ABCC4: variants seen among roughly 807,000 people sequenced by gnomAD.
ABCC4 encodes the protein ATP-binding cassette sub-family C member 4.
ABCC4 carries 102 observed loss-of-function variants against 168.5 expected under a neutral mutation model. The observed-to-expected ratio is 0.61, with a 90% confidence interval of 0.52 to 0.71. The LOEUF is 0.71. Ranked by LOEUF, ABCC4 falls within the 30% of genes least tolerant of loss-of-function variation. The pLI is 0.00. For synonymous variants in ABCC4, 617 were observed against 590.7 expected (o/e 1.04, Z -0.65); for missense variants, 1,402 against 1,605.8 (o/e 0.87, Z 2.17).
chr13:95,228,424 GCT>G (rs1351001388), intron 4 of ABCC4, among the ~76,000 whole-genome samples: 2 of 152,156 alleles, frequency 1.3e-5, no homozygotes, highest in Non-Finnish European at 2.9e-5. Context: ...GCTGTCTGCT[GCT>G]CTGACCACTG....
rs550686209 is a variant in ABCC4 at position 95,114,945 on chromosome 13, G to T, written c.2535+977C>A. Among the ~76,000 whole-genome samples, 18 of 152,276 alleles carry T rather than the reference G, an allele frequency of 1.2e-4. No individual in the cohort carries two copies. The East Asian group carries it at 2.9e-3, about 24-fold the overall frequency. On this transcript the variant is annotated intron_variant, in intron 20 of 30. Transcript: ENST00000645237. ...TTTAATGGCTTTAAATTCAGCTAAT[G>T]ATTACAACTATTCTAAGTTGGCACT...
At chr13:95,061,693 A>G (rs2139285546) in intron 26 of ABCC4, among the ~76,000 whole-genome samples, 1 of 151,512 alleles carries the variant, frequency 6.6e-6, no homozygotes, top group South Asian at 2.1e-4. Context: ...ACCCACATTA[A>G]AAGAAAACAA....
At chr13:95,125,199 G>A (rs1594137332) in intron 19 of ABCC4, among the ~76,000 whole-genome samples, 1 of 152,276 alleles carries the variant, frequency 6.6e-6, no homozygotes, top group East Asian at 1.9e-4. Flanking sequence ...AGAAAGGTGT[G>A]CTCATGTCAA....
In ABCC4 at chr13:95,029,200, A is replaced by C. The variant is rs1164894299; in HGVS notation, c.3870+5405T>G. Among the ~76,000 whole-genome samples the C allele has an allele frequency of 4.7e-3, 378 of 79,866 alleles. 10 individuals carry two copies. The highest frequency in any genetic ancestry group is 0.012 in the Admixed American group (79 of 6,656). 52.4% of individuals were successfully genotyped at this position (79,866 alleles called of 152,430 possible). On this transcript the variant is annotated intron_variant, in intron 30 of 30. Coordinates refer to ENST00000645237, the MANE Select transcript of ABCC4 (RefSeq NM_005845.5). ...TATATATATATATATATATATATAT[A>C]TATATATATATATAGAGAGAGAGAG...
chr13:95,200,598 G>A (rs1319785190), intron 8 of ABCC4, among the ~76,000 whole-genome samples: 2 of 152,148 alleles, frequency 1.3e-5, no homozygotes, highest in Non-Finnish European at 2.9e-5. Context: ...GTGCATGCCT[G>A]TAGTCCCAGC....
At chr13:95,248,717 T>C (rs559488077) in intron 1 of ABCC4, among the ~76,000 whole-genome samples, 3 of 152,218 alleles carry the variant, frequency 2.0e-5, no homozygotes, top group East Asian at 1.9e-4. Context: ...GAGACCAGCC[T>C]ACACAACATA....
At chr13:95,169,891 CTG>C (rs1431561488) in intron 14 of ABCC4, among the ~76,000 whole-genome samples, 1 of 152,196 alleles carries the variant, frequency 6.6e-6, no homozygotes, top group Non-Finnish European at 1.5e-5. Context: ...GAGTCTCACT[CTG>C]TAGCCCAGGC....
chr13:95,195,976 G>A (rs1227878165), intron 8 of ABCC4, among the ~76,000 whole-genome samples: 1 of 152,124 alleles, frequency 6.6e-6, no homozygotes, highest in African/African-American at 2.4e-5. Context: ...CTCCTAGACA[G>A]CAGAACGGAC....
At chr13:95,157,389 A>G (rs892344564) in intron 19 of ABCC4, among the ~76,000 whole-genome samples, 4 of 151,876 alleles carry the variant, frequency 2.6e-5, no homozygotes, top group African/African-American at 9.7e-5. Flanking sequence ...CCAACTACTC[A>G]GGAGATAGAC....
chr13:95,293,036 G>A (rs970220002), intron 1 of ABCC4, among the ~76,000 whole-genome samples: 9 of 152,086 alleles, frequency 5.9e-5, no homozygotes, highest in African/African-American at 1.9e-4. Context: ...TTCGCCACAC[G>A]TCTCAGGCAA....
chr13:95,258,417 T>C (rs1408044500), intron 1 of ABCC4, among the ~76,000 whole-genome samples: 2 of 152,092 alleles, frequency 1.3e-5, no homozygotes, highest in Non-Finnish European at 2.9e-5. Context: ...CATGATTAGA[T>C]CTTCTCTCCT....
At chr13:95,063,860 A>T (rs1473493775) in intron 25 of ABCC4, among the ~76,000 whole-genome samples, 1 of 152,234 alleles carries the variant, frequency 6.6e-6, no homozygotes, top group Non-Finnish European at 1.5e-5. Flanking sequence ...GCACAACTGC[A>T]AATTTCCTGG....
At chr13:95,179,142 T>A (rs1237556807) in intron 11 of ABCC4, among the ~76,000 whole-genome samples, 1 of 152,172 alleles carries the variant, frequency 6.6e-6, no homozygotes, top group Non-Finnish European at 1.5e-5. Flanking sequence ...GTGAGGGCTG[T>A]CAGCATAAAG....
chr13:95,150,247 G>A (rs1382191367), intron 19 of ABCC4, among the ~76,000 whole-genome samples: 1 of 152,108 alleles, frequency 6.6e-6, no homozygotes, highest in Admixed American at 6.5e-5. Context: ...TATATGACAT[G>A]AGCCACCATG....
chr13:95,278,196 A>G (rs2041020371), intron 1 of ABCC4, among the ~76,000 whole-genome samples: 1 of 152,234 alleles, frequency 6.6e-6, no homozygotes, highest in African/African-American at 2.4e-5. Context: ...ATAAAAGTTT[A>G]GCAAATATTT....
intron 29 of ABCC4, 173 bp downstream of exon 29, chr13:95,043,509 T>C: frequency 1.9e-6 from 1 of 521,374 alleles, no homozygotes. Flanking sequence ...ATTGGATATA[T>C]TGTTAGTAGC....
At chr13:95,288,946 A>T (rs898753961) in intron 1 of ABCC4, among the ~76,000 whole-genome samples, 1 of 152,218 alleles carries the variant, frequency 6.6e-6, no homozygotes, top group African/African-American at 2.4e-5. Context: ...TGTAAATGCC[A>T]CATTTGAGCT....
chr13:95,056,212 A>G (rs980289860), intron 26 of ABCC4, among the ~76,000 whole-genome samples: 4 of 152,104 alleles, frequency 2.6e-5, no homozygotes, highest in African/African-American at 4.8e-5. Context: ...TAAAATATAC[A>G]CTGCACAGTA....
intron 9 of ABCC4, 98 bp from the exon 10 acceptor site, chr13:95,188,640 AC>A: frequency 1.1e-6 from 1 of 905,418 alleles, no homozygotes; most frequent in Non-Finnish European, 1.7e-6. Flanking sequence ...TGATACATGA[AC>A]ATAACCCAAA....
Sources: gnomAD v4.1 joint callset for allele counts (sites outside exome capture counted in the v4.1 genomes callset) on GRCh38, gnomAD v4.1.1 for gene constraint, MANE v1.5 for transcripts, NCBI Gene and HGNC (gene_info 2026-07-23, HGNC 2026-07-21) for gene names.